TCF12: variants seen among roughly 807,000 people sequenced by gnomAD.
TCF12 encodes the protein transcription factor 12.
Under a neutral mutation model 86.0 loss-of-function variants are expected in TCF12, and 45 were observed. That is an observed-to-expected ratio of 0.52 (90% CI 0.41 to 0.67). The LOEUF is 0.67. Among genes scored for constraint, TCF12 ranks in the 30% least tolerant of loss-of-function variants. The pLI is 0.00. For synonymous variants in TCF12, 330 were observed against 299.6 expected (o/e 1.10, Z -1.05); for missense variants, 881 against 859.9 (o/e 1.02, Z -0.31).
chr15:57,002,424 T>A (rs1450863364), intron 3 of TCF12, among the ~76,000 whole-genome samples: 1 of 152,152 alleles, frequency 6.6e-6, no homozygotes, highest in Admixed American at 6.5e-5. Context: ...ATTTACTATA[T>A]AAAGTCTATT....
At chr15:57,250,240 A>G (rs182867048) in intron 13 of TCF12, among the ~76,000 whole-genome samples, 2 of 152,274 alleles carry the variant, frequency 1.3e-5, no homozygotes, top group Admixed American at 6.5e-5. Context: ...GTCAGTTACT[A>G]TTACCCCTTA....
chr15:57,035,516 C>G (rs1199161649), intron 3 of TCF12, among the ~76,000 whole-genome samples: 1 of 152,142 alleles, frequency 6.6e-6, no homozygotes, highest in Non-Finnish European at 1.5e-5. Context: ...ATCCTCCCAC[C>G]TCGGCCTCCC....
intron 6 of TCF12, among the ~76,000 whole-genome samples, chr15:57,191,748 G>T (rs1167141768): frequency 2.0e-5 from 3 of 152,040 alleles, no homozygotes; most frequent in African/African-American, 7.2e-5. Context: ...GTCCAGTCTG[G>T]CCCACATGGT....
At chr15:57,278,300 T>G (rs1256039452) in intron 19 of TCF12, among the ~76,000 whole-genome samples, 1 of 152,106 alleles carries the variant, frequency 6.6e-6, no homozygotes, top group African/African-American at 2.4e-5. Flanking sequence ...AACTAGTCCA[T>G]TGAAAATTGA....
At chr15:56,919,853 C>T (rs776937010) in intron 1 of TCF12, 39 bp from the exon 2 acceptor site, 2 of 1,586,546 alleles carry the variant, frequency 1.3e-6, no homozygotes, top group Non-Finnish European at 1.7e-6. Flanking sequence ...CACTTTGGGC[C>T]TCGGTGGTCT....
chr15:57,165,037 G>C (rs1022862878), intron 5 of TCF12, among the ~76,000 whole-genome samples: 9 of 152,104 alleles, frequency 5.9e-5, no homozygotes, highest in Admixed American at 5.9e-4. Flanking sequence ...GGTGACTTCT[G>C]AGAATAATAA....
chr15:57,232,847 A>G lies in TCF12; in HGVS notation c.961A>G (p.Ser321Gly), dbSNP rs746667992. ...CACTCCTCCCATCAATGGATCAGAC[A>G]GCATTCTAGGTGAGCTTTTTGAGTT... ...SHTPPINGSDSILGTRGNAAG... is the reference protein window; with the variant it reads ...SHTPPINGSDGILGTRGNAAG... Residue 321 changes from serine to glycine, a missense_variant, in exon 11 of 21, where the codon AGC (serine) becomes GGC (glycine). Ser to Gly is a moderately conservative substitution (Grantham distance 56). Coordinates refer to ENST00000333725, the MANE Select transcript of TCF12 (RefSeq NM_207037.2). 4.4e-6 allele frequency: 7 copies of G among 1,589,374 alleles called. No individual in the cohort carries two copies. The highest frequency in any genetic ancestry group is 1.7e-4 in the Middle Eastern group (1 of 5,984).
intron 16 of TCF12, among the ~76,000 whole-genome samples, chr15:57,260,942 T>A (rs1157239293): frequency 6.6e-6 from 1 of 152,216 alleles, no homozygotes; most frequent in African/African-American, 2.4e-5. Context: ...CTTCAGATTC[T>A]TCTCAAGTTT....
chr15:57,006,993 T>C (rs1459061443), intron 3 of TCF12, among the ~76,000 whole-genome samples: 1 of 152,210 alleles, frequency 6.6e-6, no homozygotes, highest in Non-Finnish European at 1.5e-5. Flanking sequence ...GGCACCATGT[T>C]AACTAGATTT....
At chr15:57,133,803 T>C (rs1328500174) in intron 5 of TCF12, among the ~76,000 whole-genome samples, 1 of 152,226 alleles carries the variant, frequency 6.6e-6, no homozygotes, top group Non-Finnish European at 1.5e-5. Flanking sequence ...CTACTCCTTC[T>C]GTCTAGGATG....
chr15:56,934,781 C>T (rs541370403), intron 3 of TCF12, among the ~76,000 whole-genome samples: 7 of 152,068 alleles, frequency 4.6e-5, no homozygotes, highest in African/African-American at 7.2e-5. Flanking sequence ...AACCCAGTGC[C>T]GGTAGAGCCA....
chr15:57,220,197 G>A (rs1322804453), intron 8 of TCF12, among the ~76,000 whole-genome samples: 1 of 152,088 alleles, frequency 6.6e-6, no homozygotes, highest in South Asian at 2.1e-4. Context: ...AAGTACATTT[G>A]TTTTTATGTT....
chr15:56,995,360 AG>A (rs1291324668), intron 3 of TCF12, among the ~76,000 whole-genome samples: 2 of 148,520 alleles, frequency 1.3e-5, no homozygotes, highest in African/African-American at 5.0e-5. Context: ...GTAGTTTGAT[AG>A]GAATAGTGTT....
chr15:56,918,407 C>A, upstream of TCF12: 1 of 362,092 alleles, frequency 2.8e-6, no homozygotes, highest in South Asian at 2.0e-5. Flanking sequence ...CGTCGGCGAG[C>A]GGTCGGGGCC....
intron 3 of TCF12, among the ~76,000 whole-genome samples, chr15:57,033,306 ATACAT>A (rs1261473825): frequency 6.6e-6 from 1 of 152,202 alleles, no homozygotes; most frequent in African/African-American, 2.4e-5. Context: ...TCATAGATGT[ATACAT>A]TAAAGTGAAA....
chr15:56,942,485 A>G (rs748509549), intron 3 of TCF12, among the ~76,000 whole-genome samples: 5 of 152,206 alleles, frequency 3.3e-5, no homozygotes, highest in African/African-American at 9.6e-5. Context: ...TCTGGTATCA[A>G]ATGCTTCTTT....
chr15:57,218,197 ACCTTTAAAAAAAGTGATGTGCCC>A (rs2058413398), intron 8 of TCF12, among the ~76,000 whole-genome samples: 2 of 152,182 alleles, frequency 1.3e-5, no homozygotes, highest in African/African-American at 4.8e-5. Flanking sequence ...CATGAAAGGT[ACCTTTAAAAAAAGTGATGTGCCC>A]CCTTTTGCAG....
chr15:57,105,780 C>G (rs1418613097), intron 5 of TCF12, among the ~76,000 whole-genome samples: 2 of 152,120 alleles, frequency 1.3e-5, no homozygotes, highest in African/African-American at 4.8e-5. Flanking sequence ...CACTTAGAGT[C>G]TTATTTTTCT....
Position 57,288,952 on chromosome 15 carries a change from T to C in TCF12, c.*2807T>C, listed in dbSNP as rs575971948. On this transcript the variant is annotated 3_prime_UTR_variant, in exon 21 of 21. Coordinates refer to ENST00000333725, the MANE Select transcript of TCF12 (RefSeq NM_207037.2). ...TTAAGTAATGGTATTGTTTACTGTT[T>C]AAAAGTTAAAAGATCAAAAATTTGC... The C allele has an allele frequency of 3.8e-4, 58 of 151,840 alleles. No homozygotes were observed. The highest frequency in any genetic ancestry group is 1.4e-3 in the African/African-American group (58 of 41,188). The allele number at this position is 151,840 out of a possible 1,614,324, so 9.4% of individuals were successfully genotyped here. A position where few individuals can be genotyped will look rare whatever the true frequency, so the allele number is the denominator to read the frequency against.
Sources: gnomAD v4.1 joint callset for allele counts (sites outside exome capture counted in the v4.1 genomes callset) on GRCh38, gnomAD v4.1.1 for gene constraint, MANE v1.5 for transcripts, NCBI Gene and HGNC (gene_info 2026-07-23, HGNC 2026-07-21) for gene names.